Variants in TMEM135 observed in about 807,000 individuals in gnomAD.
TMEM135 encodes the protein transmembrane protein 135.
In TMEM135, 30 loss-of-function variants were observed where a neutral mutation model predicts 60.3. That is an observed-to-expected ratio of 0.50 (90% confidence interval 0.37 to 0.68). TMEM135 has a LOEUF of 0.68. Ranked by LOEUF, TMEM135 falls within the 30% of genes least tolerant of loss-of-function variation. The pLI is 0.00. For synonymous variants in TMEM135, 190 were observed against 186.7 expected, an observed-to-expected ratio of 1.02 and a Z score of -0.14; for missense variants, 468 against 548.8, an observed-to-expected ratio of 0.85 and a Z score of 1.47.
intron 5 of TMEM135, among the ~76,000 whole-genome samples, chr11:87,224,380 G>A (rs1374462484): frequency 2.0e-5 from 3 of 152,170 alleles, no homozygotes; most frequent in Admixed American, 1.3e-4. Flanking sequence ...CTTCATTCTA[G>A]TGATCTTTCT....
At chr11:87,270,757 C>CT (rs1941847935) in intron 6 of TMEM135, among the ~76,000 whole-genome samples, 1 of 151,992 alleles carries the variant, frequency 6.6e-6, no homozygotes, top group Non-Finnish European at 1.5e-5. Flanking sequence ...TAAACTATTG[C>CT]TTTTTTATTT....
At chr11:87,168,515 C>G (rs974223066) in intron 5 of TMEM135, among the ~76,000 whole-genome samples, 12 of 152,204 alleles carry the variant, frequency 7.9e-5, no homozygotes, top group South Asian at 2.1e-4. Flanking sequence ...TCTTTGTTCT[C>G]ATTGGTTTCA....
At chr11:87,084,943 T>C (rs914952763) in intron 3 of TMEM135, among the ~76,000 whole-genome samples, 2 of 152,214 alleles carry the variant, frequency 1.3e-5, no homozygotes, top group Admixed American at 6.5e-5. Context: ...CTCTCCATCA[T>C]TGTATTAGCC....
At chr11:87,279,347 T>A (rs1284860484) in intron 6 of TMEM135, among the ~76,000 whole-genome samples, 1 of 152,212 alleles carries the variant, frequency 6.6e-6, no homozygotes, top group East Asian at 1.9e-4. Flanking sequence ...GCCTATGAGC[T>A]TGCTATGGGT....
intron 6 of TMEM135, among the ~76,000 whole-genome samples, chr11:87,259,416 C>T (rs58754948): frequency 0.049 from 7,480 of 152,096 alleles, 207 homozygotes; most frequent in African/African-American, 0.069. Flanking sequence ...GCGTGTAGAG[C>T]GGGAATACAC....
chr11:87,040,517 C>G, intron 1 of TMEM135, among the ~76,000 whole-genome samples: 1 of 152,148 alleles, frequency 6.6e-6, no homozygotes, highest in Non-Finnish European at 1.5e-5. Flanking sequence ...ATAAAATTAG[C>G]TGGGCGTGGT....
chr11:87,263,508 T>C (rs1444351777), intron 6 of TMEM135, among the ~76,000 whole-genome samples: 1 of 152,176 alleles, frequency 6.6e-6, no homozygotes. Flanking sequence ...CTGGTTGACA[T>C]ATTTGACATA....
chr11:87,291,659 C>T (rs1942266476), intron 6 of TMEM135, among the ~76,000 whole-genome samples: 1 of 151,340 alleles, frequency 6.6e-6, no homozygotes, highest in African/African-American at 2.4e-5. Flanking sequence ...CTCCCTGCCT[C>T]AGCCTCCCAA....
In TMEM135 at chr11:87,321,458, T is replaced by A; in HGVS notation, c.*125T>A. ...TTCAGTTAGAGATACTCTTTTCATTTGTTTTGTTTTTCTTATGAATCAGAA... is the reference window on the plus strand; with the variant it reads ...TTCAGTTAGAGATACTCTTTTCATTAGTTTTGTTTTTCTTATGAATCAGAA... On this transcript the variant is annotated 3_prime_UTR_variant, in exon 15 of 15. Coordinates refer to ENST00000305494, the MANE Select transcript of TMEM135 (RefSeq NM_022918.4). 9.1e-7 allele frequency: 1 copy of A among 1,102,100 alleles called. No individual in the cohort carries two copies. Among genetic ancestry groups the A allele is most frequent in the South Asian group, 1.3e-5 (1 of 77,950 alleles). 68.3% of individuals were successfully genotyped at this position (1,102,100 alleles called of 1,614,324 possible).
intron 1 of TMEM135, 52 bp downstream of exon 1, chr11:87,038,238 G>A (rs769627494): frequency 5.6e-6 from 9 of 1,610,826 alleles, no homozygotes; most frequent in African/African-American, 2.7e-5. Flanking sequence ...AAGATGGGCC[G>A]GGGGCTGCAG....
intron 8 of TMEM135, among the ~76,000 whole-genome samples, chr11:87,303,818 T>G (rs968126372): frequency 6.6e-6 from 1 of 152,190 alleles, no homozygotes; most frequent in African/African-American, 2.4e-5. Context: ...GGAAATAATT[T>G]CAACAGTAAT....
At chr11:87,195,551 C>T (rs376908021) in intron 5 of TMEM135, among the ~76,000 whole-genome samples, 131 of 152,064 alleles carry the variant, frequency 8.6e-4, no homozygotes, top group Admixed American at 2.7e-3. Context: ...CTCAGCCAGT[C>T]GAGTAGCTGG....
intron 5 of TMEM135, among the ~76,000 whole-genome samples, chr11:87,177,219 T>C (rs1220599360): frequency 2.0e-5 from 3 of 152,158 alleles, no homozygotes; most frequent in Non-Finnish European, 4.4e-5. Context: ...GTGGACCTAA[T>C]CCATCCTACC....
intron 4 of TMEM135, among the ~76,000 whole-genome samples, chr11:87,138,797 T>C (rs918103669): frequency 5.3e-5 from 8 of 152,196 alleles, no homozygotes; most frequent in Non-Finnish European, 1.0e-4. Flanking sequence ...AAAGGTGAGA[T>C]TGGCAATGCT....
At chr11:87,283,194 T>C (rs167301) in intron 6 of TMEM135, among the ~76,000 whole-genome samples, 34,522 of 151,580 alleles carry the variant, frequency 0.23, 4,540 homozygotes, top group African/African-American at 0.36. Flanking sequence ...ATTAGCCAGG[T>C]GTGGTACCAG....
chr11:87,209,994 A>G (rs1480457633), intron 5 of TMEM135, among the ~76,000 whole-genome samples: 1 of 152,202 alleles, frequency 6.6e-6, no homozygotes, highest in Non-Finnish European at 1.5e-5. Context: ...GAGACACAAT[A>G]TACCAGAATC....
In TMEM135 at chr11:87,038,029, C is replaced by T. The variant is rs771810753; in HGVS notation, c.-17C>T. The T allele has an allele frequency of 2.5e-6, 4 of 1,613,812 alleles. No individual in the cohort carries two copies. The East Asian group carries it at 8.9e-5, about 36-fold the overall frequency. ...TCAGGCTCTCCCCCTCCTGTCTTCT[C>T]CGCGCTGTTCCTCGTCATGGCGGCC... On this transcript the variant is annotated 5_prime_UTR_variant, in exon 1 of 15. Transcript: ENST00000305494.
In TMEM135 at chr11:87,322,949, C is replaced by T. The variant is rs967626377; in HGVS notation, c.*1616C>T. On this transcript the variant is annotated 3_prime_UTR_variant, in exon 15 of 15. Coordinates refer to ENST00000305494, the MANE Select transcript of TMEM135 (RefSeq NM_022918.4). ...AGTTGATTAATAAATTTAATCTTAA[C>T]TTTTTATTCACTGGAATCAAAACGA... 5 of 454,294 alleles carry T rather than the reference C, an allele frequency of 1.1e-5. No individual in the cohort carries two copies. The highest frequency in any genetic ancestry group is 1.8e-5 in the Non-Finnish European group (4 of 226,682). The allele number at this position is 454,294 out of a possible 1,614,324, so 28.1% of individuals were successfully genotyped here. A position where few individuals can be genotyped will look rare whatever the true frequency, so the allele number is the denominator to read the frequency against.
intron 5 of TMEM135, among the ~76,000 whole-genome samples, chr11:87,209,455 G>T (rs1214455057): frequency 2.0e-5 from 3 of 151,962 alleles, no homozygotes; most frequent in Non-Finnish European, 4.4e-5. Flanking sequence ...ACAAAGAAGG[G>T]CATTGCATAA....
Sources: allele counts gnomAD v4.1 joint callset (sites outside exome capture counted in the v4.1 genomes callset), GRCh38; gene constraint gnomAD v4.1.1; transcripts MANE v1.5; gene names NCBI Gene and HGNC (gene_info 2026-07-23, HGNC 2026-07-21).